Variants in ZNF680 observed in about 807,000 individuals in gnomAD.
ZNF680 encodes the protein zinc finger protein 680.
A neutral mutation model predicts 12.1 loss-of-function variants in ZNF680; 6 were observed. The observed-to-expected ratio is 0.49, with a 90% CI of 0.27 to 0.98. The LOEUF is 0.98. Ranked by LOEUF, ZNF680 falls within the 50% of genes least tolerant of loss-of-function variation. The pLI is 0.12. For missense variants in ZNF680, 561 were observed against 616.3 expected, an observed-to-expected ratio of 0.91 and a Z score of 0.95; for synonymous variants, 170 against 199.3, an observed-to-expected ratio of 0.85 and a Z score of 1.24.
the ZNF680 span, among the ~76,000 whole-genome samples, chr7:64,504,214 C>T: frequency 1.9e-4 from 29 of 151,784 alleles, 1 homozygote; most frequent in South Asian, 4.0e-3. Context: ...TTTATATTAC[C>T]CTCTTTCACT....
At chr7:64,556,727 T>C (rs780834421) in intron 1 of ZNF680, among the ~76,000 whole-genome samples, 22 of 151,772 alleles carry the variant, frequency 1.4e-4, no homozygotes, top group Non-Finnish European at 2.9e-4. Context: ...ATAAAGAAAA[T>C]ATTATTGACA....
At chr7:64,531,007 A>T (rs893163987) in intron 3 of ZNF680, among the ~76,000 whole-genome samples, 7 of 152,040 alleles carry the variant, frequency 4.6e-5, no homozygotes, top group African/African-American at 1.7e-4. Flanking sequence ...TAATAGACCT[A>T]AAAAATGTGA....
chr7:64,544,085 T>C, intron 2 of ZNF680: 1 of 658,280 alleles, frequency 1.5e-6, no homozygotes, highest in Non-Finnish European at 2.4e-6. Flanking sequence ...ACCACTAATC[T>C]AGAGTGAAGG....
At position 64,562,910 on chromosome 7, in the gene ZNF680, G is replaced by C. The variant is rs1442751431; in HGVS notation, c.30+15C>G. 2.5e-6 allele frequency: 4 copies of C among 1,613,382 alleles called. No individual in the cohort carries two copies. Among genetic ancestry groups the C allele is most frequent in the Non-Finnish European group, 3.4e-6 (4 of 1,179,682 alleles). On this transcript the variant is annotated intron_variant, in intron 1 of 3. Transcript: ENST00000309683. Reference sequence around the variant, plus strand: ...GCCCCTCCCCCTCTCTCGGGGTGTCGGACCGCACTCTCACCATTTCTAGGC... The same window carrying C: ...GCCCCTCCCCCTCTCTCGGGGTGTCCGACCGCACTCTCACCATTTCTAGGC...
At chr7:64,519,210 T>C (rs1034433059), downstream of ZNF680, among the ~76,000 whole-genome samples, 3 of 151,878 alleles carry the variant, frequency 2.0e-5, no homozygotes, top group East Asian at 1.9e-4. Flanking sequence ...AAAGAAGATA[T>C]ACGAATGGCC....
At chr7:64,547,842 C>A (rs778272320) in intron 1 of ZNF680, among the ~76,000 whole-genome samples, 1 of 152,054 alleles carries the variant, frequency 6.6e-6, no homozygotes, top group African/African-American at 2.4e-5. Context: ...AAAATTAAGG[C>A]CCTAAAATAA....
At chr7:64,542,472 TAA>T (rs1786557315) in intron 3 of ZNF680, among the ~76,000 whole-genome samples, 1 of 152,168 alleles carries the variant, frequency 6.6e-6, no homozygotes. Context: ...TAAAAAATTA[TAA>T]ACAGTACACT....
chr7:64,537,680 C>T (rs145891407), intron 3 of ZNF680, among the ~76,000 whole-genome samples: 1,822 of 152,294 alleles, frequency 0.012, 24 homozygotes, highest in Non-Finnish European at 0.02. Context: ...GTAATCCCAG[C>T]ATTTTGGGAG....
chr7:64,514,617 T>TA, the ZNF680 span, among the ~76,000 whole-genome samples: 1 of 152,038 alleles, frequency 6.6e-6, no homozygotes, highest in Non-Finnish European at 1.5e-5. Flanking sequence ...GTCAATAAAA[T>TA]AAACTCACCA....
In ZNF680 at chr7:64,521,033, A is replaced by T; in HGVS notation, c.*128T>A. 9.4e-7 allele frequency: 1 copy of T among 1,061,620 alleles called. No individual in the cohort carries two copies. The highest frequency in any genetic ancestry group is 1.3e-6 in the Non-Finnish European group (1 of 744,738). The allele number at this position is 1,061,620 out of a possible 1,614,324, so 65.8% of individuals were successfully genotyped here. A position where few individuals can be genotyped will look rare whatever the true frequency, so the allele number is the denominator to read the frequency against. On this transcript the variant is annotated 3_prime_UTR_variant, in exon 4 of 4. Transcript: ENST00000309683. ...AAGTTTTGTCACATTCTTTACACTT[A>T]TAAAGTTTTCTCCAATATAAATTAT...
At chr7:64,525,339 T>C (rs894500433) in intron 3 of ZNF680, 2 of 152,124 alleles carry the variant, frequency 1.3e-5, no homozygotes, top group African/African-American at 4.8e-5. Flanking sequence ...ACCAAATTAC[T>C]CAGTAGATAT....
At chr7:64,553,079 T>A (rs1787169327) in intron 1 of ZNF680, among the ~76,000 whole-genome samples, 1 of 149,656 alleles carries the variant, frequency 6.7e-6, no homozygotes, top group Admixed American at 6.7e-5. Flanking sequence ...GAGCTGAGAC[T>A]GCGCCACTGC....
At chr7:64,515,276 AACACACACAC>A (rs111387300), downstream of ZNF680, among the ~76,000 whole-genome samples, 22 of 151,642 alleles carry the variant, frequency 1.5e-4, no homozygotes, top group Admixed American at 1.4e-3. Flanking sequence ...GCATCAGTGC[AACACACACAC>A]ATACACACAC....
chr7:64,528,025 C>G (rs1233242150), intron 3 of ZNF680, among the ~76,000 whole-genome samples: 2 of 152,190 alleles, frequency 1.3e-5, no homozygotes, highest in Non-Finnish European at 2.9e-5. Flanking sequence ...CACCGCTGAA[C>G]ATGCACCCCC....
intron 3 of ZNF680, among the ~76,000 whole-genome samples, chr7:64,535,431 G>A (rs1410599733): frequency 4.2e-5 from 6 of 142,580 alleles, no homozygotes; most frequent in African/African-American, 1.3e-4. Context: ...AGGGAGGGAG[G>A]GAGAGAGAGA....
rs572236225 is a variant in ZNF680, at chr7:64,521,034, T to C, written c.*127A>G. 4 of 1,070,012 alleles carry C rather than the reference T, an allele frequency of 3.7e-6. No homozygotes were observed. Among genetic ancestry groups the C allele is most frequent in the East Asian group, 2.4e-5 (1 of 40,818 alleles). 66.3% of individuals were successfully genotyped at this position (1,070,012 alleles called of 1,614,324 possible). Reference sequence around the variant, plus strand: ...AGTTTTGTCACATTCTTTACACTTATAAAGTTTTCTCCAATATAAATTATC... The same window carrying C: ...AGTTTTGTCACATTCTTTACACTTACAAAGTTTTCTCCAATATAAATTATC... On this transcript the variant is annotated 3_prime_UTR_variant, in exon 4 of 4. Transcript: ENST00000309683.
chr7:64,515,117 AAAGT>A (rs550768339), downstream of ZNF680, among the ~76,000 whole-genome samples: 74 of 152,236 alleles, frequency 4.9e-4, no homozygotes, highest in Middle Eastern at 3.4e-3. Context: ...TTTGCTTTTC[AAAGT>A]AAGTAAGAAT....
intron 3 of ZNF680, chr7:64,525,820 A>G: frequency 1.0e-6 from 1 of 984,488 alleles, no homozygotes; most frequent in Non-Finnish European, 1.2e-6. Flanking sequence ...GAGAATTTCT[A>G]TGACTTCTCA....
chr7:64,509,256 T>C, the ZNF680 span, among the ~76,000 whole-genome samples: 11 of 152,156 alleles, frequency 7.2e-5, no homozygotes. Context: ...TGGGGAGCCT[T>C]GTCAGCCCTT....
Sources: allele counts gnomAD v4.1 joint callset (sites outside exome capture counted in the v4.1 genomes callset), GRCh38; gene constraint gnomAD v4.1.1; transcripts MANE v1.5; gene names NCBI Gene and HGNC (gene_info 2026-07-23, HGNC 2026-07-21).